Variants in RNF213 observed in about 807,000 individuals in gnomAD.
RNF213 encodes the protein E3 ubiquitin-protein ligase RNF213.
RNF213 carries 341 observed loss-of-function variants against 514.4 expected under a neutral mutation model. That is an observed-to-expected ratio of 0.66 (90% CI 0.61 to 0.73). The LOEUF (loss-of-function observed/expected upper bound fraction) is 0.73, where lower values mean the gene tolerates loss of function less well. Among genes scored for constraint, RNF213 ranks in the 30% least tolerant of loss-of-function variants. RNF213 has a pLI of 0.00. For missense variants in RNF213, 5,767 were observed against 6,615.6 expected (o/e 0.87, Z 4.45); for synonymous variants, 2,655 against 2,658.2 (o/e 1.00, Z 0.04).
chr17:80,360,243 G>A (rs1401749980), intron 38 of RNF213, 37 bp downstream of exon 38: 3 of 1,596,172 alleles, frequency 1.9e-6, no homozygotes, highest in Non-Finnish European at 2.6e-6. Context: ...TTCAGCACAG[G>A]TGAATCACAA....
chr17:80,348,292 T>G lies in RNF213; in HGVS notation c.9951+6T>G. ...GCCACGCCATCTTCACAGAGGTGAT[T>G]GTCTTTCTGCACTTGTACCCTATCC... On this transcript the variant is annotated splice_donor_region_variant and intron_variant, in intron 29 of 67. Transcript: ENST00000582970. The G allele has an allele frequency of 2.5e-6, 4 of 1,610,594 alleles. No homozygotes were observed. The highest frequency in any genetic ancestry group is 1.7e-6 in the Non-Finnish European group (2 of 1,180,024).
rs1258805127 is a variant in RNF213 at position 80,343,880 on chromosome 17, T to G, written c.6207T>G (p.Phe2069Leu). ...TSSVQTGIWV[F>L]LFKLLILQYL... ...AGGTGCAGACTGGAATTTGGGTGTT[T>G]CTTTTCAAGCTCCTCATTTTACAAT... The change falls in exon 28 of 68, where the codon TTT becomes TTG. Residue 2069 changes from phenylalanine to leucine, a missense_variant. This residue lies in a region of RNF213 where 1,377 missense variants were observed against 1,635.2 expected (regional missense o/e 0.84). Transcript: ENST00000582970. This position sits in a 1 kb window ranked among gnomAD's most constrained non-coding sequence, Gnocchi z 4.3. The G allele has an allele frequency of 4.3e-6, 7 of 1,614,058 alleles. No individual in the cohort carries two copies. The highest frequency in any genetic ancestry group is 5.9e-6 in the Non-Finnish European group (7 of 1,180,012).
At chr17:80,298,616 C>G in intron 11 of RNF213, 98 bp downstream of exon 11, 3 of 1,254,972 alleles carry the variant, frequency 2.4e-6, no homozygotes, top group Non-Finnish European at 3.4e-6. Flanking sequence ...GACTCCATTC[C>G]TGATTCTAAT....
At chr17:80,281,463 ACAACAC>A (rs2044277912) in intron 3 of RNF213, among the ~76,000 whole-genome samples, 2 of 89,084 alleles carry the variant, frequency 2.2e-5, no homozygotes, top group Admixed American at 1.4e-4. Context: ...CACCCCACTC[ACAACAC>A]TCACACACCC....
In RNF213 at chr17:80,263,856, A is replaced by G; in HGVS notation, c.97+78A>G. ...GTCTCACCTCCCTTCCAGGAAATGGAAACCCTGGGCAGCAGGCAGCTCAGG... is the reference window on the plus strand; with the variant it reads ...GTCTCACCTCCCTTCCAGGAAATGGGAACCCTGGGCAGCAGGCAGCTCAGG... On this transcript the variant is annotated intron_variant, in intron 2 of 67. Transcript: ENST00000582970. This position sits in a 1 kb window ranked among gnomAD's most constrained non-coding sequence, Gnocchi z 4.9. 1 of 1,286,652 alleles carries G rather than the reference A, an allele frequency of 7.8e-7. No homozygotes were observed. The highest frequency in any genetic ancestry group is 1.1e-6 in the Non-Finnish European group (1 of 886,586). The allele number at this position is 1,286,652 out of a possible 1,614,324, so 79.7% of individuals were successfully genotyped here.
intron 14 of RNF213, among the ~76,000 whole-genome samples, chr17:80,310,634 C>T (rs2045538901): frequency 6.6e-6 from 1 of 150,710 alleles, no homozygotes; most frequent in African/African-American, 2.4e-5. Flanking sequence ...CTCACCACAA[C>T]CTCCGCCTCC....
chr17:80,289,694 T>G lies in RNF213; in HGVS notation c.969T>G (p.Ala323=). ...CCAAGACCAAGGACGAGATGGCTGCTGCTGAAGAAAAAGTCGGTAAGAATG... is the reference window on the plus strand; with the variant it reads ...CCAAGACCAAGGACGAGATGGCTGCGGCTGAAGAAAAAGTCGGTAAGAATG... ...AETKTKDEMA[A]AEEKVGKNEQ... The change falls in exon 6 of 68, where the codon GCT becomes GCG. Residue 323 remains alanine (A), a synonymous_variant. Coordinates refer to ENST00000582970, the MANE Select transcript of RNF213 (RefSeq NM_001256071.3). 6.2e-7 allele frequency: 1 copy of G among 1,613,868 alleles called. No individual in the cohort carries two copies. The highest frequency in any genetic ancestry group is 8.5e-7 in the Non-Finnish European group (1 of 1,180,010).
rs2080657802 is a variant in RNF213 at position 80,396,223 on chromosome 17, C to T, written c.*2725C>T. 6.6e-6 allele frequency: 1 copy of T among 152,146 alleles called. No homozygotes were observed. The highest frequency in any genetic ancestry group is 2.1e-4 in the South Asian group (1 of 4,832). 9.4% of individuals were successfully genotyped at this position (152,146 alleles called of 1,614,324 possible). ...GCTGCAGTGAGCTATGATTGCACCA[C>T]TGCACTCCAACCTGGGTGACAGAGT... is the stretch of plus-strand genomic sequence containing the variant. On this transcript the variant is annotated 3_prime_UTR_variant, in exon 68 of 68. Transcript: ENST00000582970.
intron 31 of RNF213, 88 bp from the exon 32 acceptor site, chr17:80,351,597 A>G: frequency 1.3e-6 from 1 of 757,794 alleles, no homozygotes; most frequent in South Asian, 1.5e-5. Context: ...ACCCTTCTGC[A>G]GCTGCACAGC....
Position 80,386,745 on chromosome 17 carries a change from G to C in RNF213, c.14776G>C (p.Glu4926Gln). 1 of 1,614,220 alleles carries C rather than the reference G, an allele frequency of 6.2e-7. No homozygotes were observed. Among genetic ancestry groups the C allele is most frequent in the Non-Finnish European group, 8.5e-7 (1 of 1,180,034 alleles). The change falls in exon 63 of 68, where the codon GAG (glutamate) becomes CAG (glutamine). Residue 4926 changes from glutamate to glutamine, a missense_variant. Transcript: ENST00000582970. Reference sequence around the variant, plus strand: ...ACTGCATGTCATCAGTTATGAAGTGGAGCGGGACCTGACTCCACTGATTCT... The same window carrying C: ...ACTGCATGTCATCAGTTATGAAGTGCAGCGGGACCTGACTCCACTGATTCT... The part of the protein sequence containing the change: ...TELHVISYEV[E>Q]RDLTPLILSN...
At chr17:80,281,566 C>CACACACACCCCTCTCAT in intron 3 of RNF213, among the ~76,000 whole-genome samples, 1 of 57,614 alleles carries the variant, frequency 1.7e-5, no homozygotes, top group East Asian at 6.7e-4. Flanking sequence ...AAGACAAACG[C>CACACACACCCCTCTCAT]CCCACTCACA....
intron 18 of RNF213, among the ~76,000 whole-genome samples, chr17:80,325,587 A>G (rs1456799198): frequency 6.6e-6 from 1 of 152,188 alleles, no homozygotes; most frequent in African/African-American, 2.4e-5. Flanking sequence ...ATCCAGACCC[A>G]GGTATGTCTT....
At chr17:80,389,033 C>G (rs915671394) in intron 64 of RNF213, 140 bp from the exon 65 acceptor site, 3 of 771,318 alleles carry the variant, frequency 3.9e-6, no homozygotes, top group Non-Finnish European at 4.4e-6. Context: ...GCCTGCACAC[C>G]GTGCGCCCAA....
chr17:80,365,817 C>T (rs1001750572), intron 42 of RNF213, among the ~76,000 whole-genome samples: 6 of 152,184 alleles, frequency 3.9e-5, no homozygotes, highest in Non-Finnish European at 7.4e-5. Flanking sequence ...ATGCACAGGG[C>T]TTTCAGCCAG....
At position 80,396,180 on chromosome 17, in the gene RNF213, T is replaced by G. The variant is rs1207706872; in HGVS notation, c.*2682T>G. The G allele has an allele frequency of 6.6e-6, 1 of 152,192 alleles. No homozygotes were observed. The highest frequency in any genetic ancestry group is 1.5e-5 in the Non-Finnish European group (1 of 68,084). The allele number at this position is 152,192 out of a possible 1,614,324, so 9.4% of individuals were successfully genotyped here. On this transcript the variant is annotated 3_prime_UTR_variant, in exon 68 of 68. Coordinates refer to ENST00000582970, the MANE Select transcript of RNF213 (RefSeq NM_001256071.3). The stretch of plus-strand genomic sequence containing the variant: ...GGGAGGCTGAGGTATGAGGATTGCT[T>G]GAGCCTGGGAGTTTGAGGCTGCAGT...
In RNF213 at chr17:80,379,717, A is replaced by G; in HGVS notation, c.13640+3A>G. Reference sequence around the variant, plus strand: ...CGGGACGGCTTTCATCTGGTCAAGTATGTGGGTCAGGATTCTATTTCCTAA... The same window carrying G: ...CGGGACGGCTTTCATCTGGTCAAGTGTGTGGGTCAGGATTCTATTTCCTAA... On this transcript the variant is annotated splice_donor_region_variant and intron_variant, in intron 55 of 67. Transcript: ENST00000582970. 6.2e-7 allele frequency: 1 copy of G among 1,613,422 alleles called. No homozygotes were observed. Among genetic ancestry groups the G allele is most frequent in the Non-Finnish European group, 8.5e-7 (1 of 1,179,346 alleles).
intron 2 of RNF213, among the ~76,000 whole-genome samples, chr17:80,272,715 C>G (rs1353266857): frequency 6.6e-6 from 1 of 152,148 alleles, no homozygotes; most frequent in Non-Finnish European, 1.5e-5. Flanking sequence ...GTGGGGCTGG[C>G]AGAGTGGGTG....
chr17:80,389,457 C>A, intron 65 of RNF213, 90 bp downstream of exon 65: 1 of 1,127,330 alleles, frequency 8.9e-7, no homozygotes, highest in Non-Finnish European at 1.3e-6. Flanking sequence ...GGGAGTGCCA[C>A]TCTAGGCGCT....
chr17:80,338,114 T>TTTGA, intron 25 of RNF213, 117 bp downstream of exon 25: 2 of 1,278,454 alleles, frequency 1.6e-6, no homozygotes, highest in Non-Finnish European at 2.2e-6. Flanking sequence ...TAAGAAGGGC[T>TTTGA]CTGCTCTTAG....
Sources: allele counts gnomAD v4.1 joint callset (sites outside exome capture counted in the v4.1 genomes callset), GRCh38; gene constraint gnomAD v4.1.1; regional missense constraint gnomAD v4.1.1; non-coding constraint Gnocchi (gnomAD v3.1); transcripts MANE v1.5; gene names NCBI Gene and HGNC (gene_info 2026-07-23, HGNC 2026-07-21).